FAT3: variants seen among roughly 807,000 people sequenced by gnomAD.
The protein encoded by FAT3 is FAT atypical cadherin 3.
Under a neutral mutation model 310.2 loss-of-function variants are expected in FAT3, and 95 were observed. The ratio of observed to expected loss-of-function variants is 0.31; its 90% confidence interval spans 0.26 to 0.36. The LOEUF (loss-of-function observed/expected upper bound fraction) is 0.36, where lower values mean the gene tolerates loss of function less well. Among genes scored for constraint, FAT3 ranks in the 10% least tolerant of loss-of-function variants. FAT3 has a pLI of 1.00. For missense variants in FAT3, 5,408 were observed against 5,715.6 expected, an observed-to-expected ratio of 0.95 and a Z score of 1.74; for synonymous variants, 2,314 against 2,192.9, an observed-to-expected ratio of 1.06 and a Z score of -1.54.
At chr11:92,709,316 G>A (rs956781328) in intron 4 of FAT3, among the ~76,000 whole-genome samples, 2 of 152,326 alleles carry the variant, frequency 1.3e-5, no homozygotes, top group African/African-American at 4.8e-5. Flanking sequence ...GAAACTGGAT[G>A]TGACTGTTTA....
intron 2 of FAT3, among the ~76,000 whole-genome samples, chr11:92,485,526 G>GA (rs906564281): frequency 1.1e-5 from 1 of 87,020 alleles, no homozygotes; most frequent in African/African-American, 6.6e-5. Flanking sequence ...TCATCTTAAT[G>GA]AGGTACCAAA....
intron 3 of FAT3, among the ~76,000 whole-genome samples, chr11:92,568,900 G>A (rs988362132): frequency 1.3e-5 from 2 of 152,026 alleles, no homozygotes; most frequent in African/African-American, 4.8e-5. Context: ...CAACCCTCTG[G>A]TCACTGTATT....
At chr11:92,675,949 G>C (rs779717043) in intron 3 of FAT3, among the ~76,000 whole-genome samples, 19 of 152,094 alleles carry the variant, frequency 1.2e-4, no homozygotes, top group Non-Finnish European at 2.4e-4. Context: ...CTGCTGCCTG[G>C]ATGTTCTGGT....
At chr11:92,709,226 A>G (rs1442685851) in intron 4 of FAT3, among the ~76,000 whole-genome samples, 1 of 152,240 alleles carries the variant, frequency 6.6e-6, no homozygotes, top group African/African-American at 2.4e-5. Context: ...AATGCAGTCA[A>G]TGTGTTTAAC....
At chr11:92,839,821 C>T (rs528561553) in intron 17 of FAT3, among the ~76,000 whole-genome samples, 1 of 152,288 alleles carries the variant, frequency 6.6e-6, no homozygotes, top group African/African-American at 2.4e-5. Flanking sequence ...GTGAGGATGA[C>T]CTTTGACCCA....
Position 92,373,005 on chromosome 11 carries a change from C to T in FAT3, c.3292+17601C>T, listed in dbSNP as rs185352029. Among the ~76,000 whole-genome samples, 373 of 152,166 alleles carry T rather than the reference C, an allele frequency of 2.5e-3. 2 individuals carry two copies. Among genetic ancestry groups the T allele is most frequent in the Middle Eastern group, 3.4e-3 (1 of 294 alleles). On this transcript the variant is annotated intron_variant, in intron 2 of 27. Coordinates refer to ENST00000525166, the MANE Select transcript of FAT3 (RefSeq NM_001367949.2). ...TTACCCATCCTTTCTTGCAAGTATC[C>T]GAAGTCAGAGTGCTATTTTATGGAA...
intron 2 of FAT3, among the ~76,000 whole-genome samples, chr11:92,419,710 C>T (rs1447192207): frequency 1.3e-5 from 2 of 152,054 alleles, no homozygotes; most frequent in African/African-American, 4.8e-5. Flanking sequence ...ATTTCTTAAC[C>T]TCCAGCTGTG....
intron 3 of FAT3, among the ~76,000 whole-genome samples, chr11:92,671,107 C>T (rs1943115912): frequency 6.6e-6 from 1 of 151,722 alleles, no homozygotes; most frequent in African/African-American, 2.4e-5. Flanking sequence ...TGCGGTGGTG[C>T]AATCTCTGCT....
chr11:92,806,619 C>T, intron 12 of FAT3, 104 bp downstream of exon 12: 1 of 955,804 alleles, frequency 1.0e-6, no homozygotes, highest in Non-Finnish European at 1.5e-6. Flanking sequence ...TATACTTACT[C>T]TTATAGGGAT....
rs766010428 is a variant in FAT3, at chr11:92,883,159, A to G, written c.12703A>G (p.Met4235Val). Residue 4235 changes from methionine to valine, a missense_variant, in exon 24 of 28, where the codon ATG becomes GTG. Physicochemically the swap from Met to Val is conservative, Grantham distance 21. Around this residue, in one of 5 missense-constraint regions of FAT3, gnomAD observed 649 missense variants for 666.2 expected, o/e 0.97. Coordinates refer to ENST00000525166, the MANE Select transcript of FAT3 (RefSeq NM_001367949.2). The surrounding 1 kb of genome is among the most constrained non-coding windows in gnomAD (Gnocchi z 4.2). ...GCCCCCGCAGGTCCCCGTGCGCCCC[A>G]TGGCCTACACACCCTGCTTCCAGAG... ...VGPPQVPVRP[M>V]AYTPCFQSDS... The G allele has an allele frequency of 7.4e-6, 12 of 1,613,482 alleles. No homozygotes were observed. Among genetic ancestry groups the G allele is most frequent in the Non-Finnish European group, 9.3e-6 (11 of 1,179,812 alleles).
chr11:92,784,836 A>G (rs1946845677), intron 7 of FAT3, among the ~76,000 whole-genome samples: 1 of 152,144 alleles, frequency 6.6e-6, no homozygotes, highest in Non-Finnish European at 1.5e-5. Context: ...GAGCACATCA[A>G]CTTTGAAACT....
At chr11:92,350,302 T>C (rs1036148831) in intron 1 of FAT3, among the ~76,000 whole-genome samples, 2 of 151,814 alleles carry the variant, frequency 1.3e-5, no homozygotes, top group Admixed American at 1.3e-4. Context: ...TATGAAAGGG[T>C]TTTATAAACC....
intron 2 of FAT3, among the ~76,000 whole-genome samples, chr11:92,422,817 A>G (rs1355313830): frequency 6.6e-6 from 1 of 152,116 alleles, no homozygotes; most frequent in African/African-American, 2.4e-5. Context: ...TTTGCCTTGT[A>G]TTGTGGCTGG....
chr11:92,533,099 T>C (rs2135389216), intron 3 of FAT3, among the ~76,000 whole-genome samples: 1 of 152,240 alleles, frequency 6.6e-6, no homozygotes, highest in African/African-American at 2.4e-5. Context: ...AGTAGCATGA[T>C]CATAGCTTAC....
In FAT3 at chr11:92,889,870, C is replaced by T. The variant is rs1949877324; in HGVS notation, c.13126C>T (p.Gln4376Ter). 2 of 717,932 alleles carry T rather than the reference C, an allele frequency of 2.8e-6. No individual in the cohort carries two copies. Among genetic ancestry groups the T allele is most frequent in the Non-Finnish European group, 5.2e-6 (2 of 385,218 alleles). The allele number at this position is 717,932 out of a possible 1,614,324, so 44.5% of individuals were successfully genotyped here. The change falls in exon 27 of 28, where the codon CAA becomes TAA. Residue 4376 changes from glutamine to a stop codon, truncating the protein, a stop_gained. Transcript: ENST00000525166. LOFTEE classifies it high-confidence loss of function. Reference protein sequence around the residue: ...TIENEVSVMDQGQNYNRAYHW... With the variant: ...TIENEVSVMD ...TATTTAAACAGTGTCTGTCATGGAC[C>T]AAGGACAGAACTACAACCGAGGTGA...
intron 24 of FAT3, among the ~76,000 whole-genome samples, chr11:92,884,834 T>C (rs1395119168): frequency 6.6e-6 from 1 of 152,094 alleles, no homozygotes; most frequent in African/African-American, 2.4e-5. Context: ...TGTAGGATGG[T>C]GGACTCTGTA....
intron 3 of FAT3, among the ~76,000 whole-genome samples, chr11:92,538,490 A>C (rs1036847757): frequency 2.0e-5 from 3 of 152,180 alleles, no homozygotes; most frequent in African/African-American, 7.2e-5. Flanking sequence ...CCTTGCACAT[A>C]CAAAGTGCTC....
chr11:92,544,259 A>T (rs1954546955), intron 3 of FAT3, among the ~76,000 whole-genome samples: 1 of 152,174 alleles, frequency 6.6e-6, no homozygotes, highest in South Asian at 2.1e-4. Context: ...AATGGTTACA[A>T]ATATGCACTT....
At chr11:92,503,438 C>T (rs993230659) in intron 2 of FAT3, among the ~76,000 whole-genome samples, 2 of 151,974 alleles carry the variant, frequency 1.3e-5, no homozygotes, top group Non-Finnish European at 2.9e-5. Context: ...GGATTAAATG[C>T]ATTATATTCT....
Sources: allele counts gnomAD v4.1 joint callset (sites outside exome capture counted in the v4.1 genomes callset), GRCh38; gene constraint gnomAD v4.1.1; regional missense constraint gnomAD v4.1.1; non-coding constraint Gnocchi (gnomAD v3.1); transcripts MANE v1.5; gene names NCBI Gene and HGNC (gene_info 2026-07-23, HGNC 2026-07-21).